NXPH4: variants seen among roughly 807,000 people sequenced by gnomAD.
NXPH4 encodes the protein neurexophilin 4.
A neutral mutation model predicts 21.3 loss-of-function variants in NXPH4; 8 were observed. The ratio of observed to expected loss-of-function variants is 0.38; its 90% CI spans 0.22 to 0.68. The LOEUF (loss-of-function observed/expected upper bound fraction) is 0.68, where lower values mean the gene tolerates loss of function less well. NXPH4 is among the 30% of genes least tolerant of loss of function. The probability of loss-of-function intolerance (pLI) is 0.53; values close to 1 mark genes in which losing one functional copy is unlikely to be tolerated. For synonymous variants in NXPH4, 219 were observed against 192.6 expected (o/e 1.14, Z -1.13); for missense variants, 418 against 416.8 (o/e 1.00, Z -0.03).
chr12:57,225,924 G>A lies in NXPH4; in HGVS notation c.*177G>A. 7.0e-7 allele frequency: 1 copy of A among 1,436,802 alleles called. No individual in the cohort carries two copies. The highest frequency in any genetic ancestry group is 9.1e-7 in the Non-Finnish European group (1 of 1,100,398). 89.0% of individuals were successfully genotyped at this position (1,436,802 alleles called of 1,614,324 possible). The stretch of plus-strand genomic sequence containing the variant: ...GCGTGGGTGCCCTTTTCCTTATGCG[G>A]AGTGCCCGCAAGGCTGGGGTAGCCC... On this transcript the variant is annotated 3_prime_UTR_variant, in exon 2 of 2. Coordinates refer to ENST00000349394, the MANE Select transcript of NXPH4 (RefSeq NM_007224.4).
At chr12:57,223,111 A>C (rs2037107928) in intron 1 of NXPH4, among the ~76,000 whole-genome samples, 1 of 152,134 alleles carries the variant, frequency 6.6e-6, no homozygotes, top group African/African-American at 2.4e-5. Context: ...CTCAGATACA[A>C]TTGACATGCA....
intron 1 of NXPH4, among the ~76,000 whole-genome samples, chr12:57,222,914 GCGGGGA>G (rs2037105512): frequency 6.6e-6 from 1 of 152,184 alleles, no homozygotes; most frequent in Non-Finnish European, 1.5e-5. Context: ...TCGCAGCGTG[GCGGGGA>G]CGGGGACCAG....
rs1256964042 is a variant in NXPH4, at chr12:57,225,866, C to T, written c.*119C>T. On this transcript the variant is annotated 3_prime_UTR_variant, in exon 2 of 2. Transcript: ENST00000349394. ...TCGCCCACTCCTTCCACTCTGGGGGCGGAGGGGAATGGCTTCTCGGGACCC... is the reference window on the plus strand; with the variant it reads ...TCGCCCACTCCTTCCACTCTGGGGGTGGAGGGGAATGGCTTCTCGGGACCC... The T allele has an allele frequency of 6.8e-6, 10 of 1,477,972 alleles. No homozygotes were observed. In the Middle Eastern group the frequency reaches 1.1e-3, roughly 159 times the overall value. The allele number at this position is 1,477,972 out of a possible 1,614,324, so 91.6% of individuals were successfully genotyped here.
Position 57,224,992 on chromosome 12 carries a change from G to C in NXPH4, c.172G>C (p.Gly58Arg). 2.1e-6 allele frequency: 3 copies of C among 1,458,934 alleles called. No individual in the cohort carries two copies. In the East Asian group the frequency reaches 8.3e-5, roughly 40 times the overall value. 90.4% of individuals were successfully genotyped at this position (1,458,934 alleles called of 1,614,324 possible). ...QQLPEPRSSD[G>R]LGVGRAWSWA... ...GCTCCCAGAGCCAAGGTCTTCGGACGGCCTAGGCGTGGGCCGCGCCTGGAG... is the reference window on the plus strand; with the variant it reads ...GCTCCCAGAGCCAAGGTCTTCGGACCGCCTAGGCGTGGGCCGCGCCTGGAG... Residue 58 changes from glycine (G) to arginine (R), a missense_variant, in exon 2 of 2, where the codon GGC (glycine) becomes CGC (arginine). Gly to Arg is a moderately radical substitution (Grantham distance 125, BLOSUM62 -2). Coordinates refer to ENST00000349394, the MANE Select transcript of NXPH4 (RefSeq NM_007224.4).
At chr12:57,223,956 G>C (rs1440489002) in intron 1 of NXPH4, among the ~76,000 whole-genome samples, 1 of 152,236 alleles carries the variant, frequency 6.6e-6, no homozygotes, top group East Asian at 1.9e-4. Context: ...CTCCACCAGA[G>C]TGGAGCACTG....
At chr12:57,222,687 T>C (rs1190558466) in intron 1 of NXPH4, among the ~76,000 whole-genome samples, 2 of 151,920 alleles carry the variant, frequency 1.3e-5, no homozygotes, top group African/African-American at 2.4e-5. Flanking sequence ...TGGGGCCTCT[T>C]CTCCCTCCCA....
At chr12:57,221,799 G>T (rs746662770) in intron 1 of NXPH4, among the ~76,000 whole-genome samples, 3 of 152,282 alleles carry the variant, frequency 2.0e-5, no homozygotes, top group Admixed American at 1.3e-4. Flanking sequence ...GGAGGTGGGC[G>T]ACAAGAGCTC....
chr12:57,217,237 C>T (rs1256603601), intron 1 of NXPH4, among the ~76,000 whole-genome samples: 3 of 152,162 alleles, frequency 2.0e-5, no homozygotes, highest in African/African-American at 7.2e-5. Flanking sequence ...GGGTGCCGGG[C>T]GGAGGTCCCC....
chr12:57,225,534 G>C lies in NXPH4; in HGVS notation c.714G>C (p.Glu238Asp). 6.2e-7 allele frequency: 1 copy of C among 1,612,988 alleles called. No homozygotes were observed. The highest frequency in any genetic ancestry group is 8.5e-7 in the Non-Finnish European group (1 of 1,179,976). ...CTTTCAATTGCCACGTGGAGTATGA[G>C]AAGACAAACCGCGCGCGCAAGCACC... ...SRAFNCHVEY[E>D]KTNRARKHRP... is the part of the protein sequence containing the mutation. Residue 238 changes from glutamate to aspartate, a missense_variant, in exon 2 of 2, where the codon GAG (glutamate) becomes GAC (aspartate). Coordinates refer to ENST00000349394, the MANE Select transcript of NXPH4 (RefSeq NM_007224.4).
chr12:57,222,177 G>GC (rs541646252), intron 1 of NXPH4, among the ~76,000 whole-genome samples: 12 of 151,864 alleles, frequency 7.9e-5, no homozygotes, highest in African/African-American at 1.7e-4. Context: ...CTTCAGCCGT[G>GC]CCCCCCCAAC....
At chr12:57,218,634 G>A (rs977545809) in intron 1 of NXPH4, among the ~76,000 whole-genome samples, 5 of 152,232 alleles carry the variant, frequency 3.3e-5, no homozygotes, top group Admixed American at 2.0e-4. Flanking sequence ...GAGAGTGAGC[G>A]TGAGGATATG....
Position 57,225,656 on chromosome 12 carries a change from T to C in NXPH4, c.836T>C (p.Ile279Thr). 6.2e-7 allele frequency: 1 copy of C among 1,613,864 alleles called. No individual in the cohort carries two copies. The highest frequency in any genetic ancestry group is 8.5e-7 in the Non-Finnish European group (1 of 1,180,010). ...GCCAAGCCCTTCAAAGTCATCTGTA[T>C]CTTCGTCTCTTTCCTCAGCTTTGAC... ...LCAKPFKVIC[I>T]FVSFLSFDYK... The change falls in exon 2 of 2, where the codon ATC becomes ACC. Residue 279 changes from isoleucine to threonine, a missense_variant. Transcript: ENST00000349394.
Position 57,225,068 on chromosome 12 carries a change from C to A in NXPH4, c.248C>A (p.Ala83Asp), listed in dbSNP as rs878937109. ...HTGALARAGAAGALPAQRTKR... is the reference protein window; with the variant it reads ...HTGALARAGADGALPAQRTKR... The stretch of plus-strand genomic sequence containing the variant: ...GGGGCGCTGGCCCGGGCAGGGGCAG[C>A]CGGGGCGTTGCCCGCGCAGCGCACC... The change falls in exon 2 of 2, where the codon GCC becomes GAC. Residue 83 changes from alanine (A) to aspartate (D), a missense_variant. Transcript: ENST00000349394. 8.8e-6 allele frequency: 13 copies of A among 1,473,872 alleles called. No individual in the cohort carries two copies. The South Asian group carries it at 1.6e-4, about 18-fold the overall frequency. The allele number at this position is 1,473,872 out of a possible 1,614,324, so 91.3% of individuals were successfully genotyped here. A position where few individuals can be genotyped will look rare whatever the true frequency, so the allele number is the denominator to read the frequency against.
At chr12:57,217,604 A>G (rs2037052989) in intron 1 of NXPH4, among the ~76,000 whole-genome samples, 1 of 151,998 alleles carries the variant, frequency 6.6e-6, no homozygotes, top group Non-Finnish European at 1.5e-5. Flanking sequence ...ACGACCTCAC[A>G]GACACACCCC....
chr12:57,220,930 C>T (rs1317827533), intron 1 of NXPH4, among the ~76,000 whole-genome samples: 1 of 151,972 alleles, frequency 6.6e-6, no homozygotes, highest in African/African-American at 2.4e-5. Flanking sequence ...ATCCCTCATC[C>T]ACCATTCCTG....
chr12:57,222,229 C>T (rs1382653178), intron 1 of NXPH4, among the ~76,000 whole-genome samples: 3 of 152,072 alleles, frequency 2.0e-5, no homozygotes, highest in Non-Finnish European at 4.4e-5. Context: ...TGGGTGGGGG[C>T]GGGACTGCCC....
rs765273679 is a variant in NXPH4, at chr12:57,225,777, C to G, written c.*30C>G. ...CCTCCCCAGCCAGTCCTGAGCCTCCCGCCAAATCCCAGCCTCACTAGGTGG... is the reference window on the plus strand; with the variant it reads ...CCTCCCCAGCCAGTCCTGAGCCTCCGGCCAAATCCCAGCCTCACTAGGTGG... On this transcript the variant is annotated 3_prime_UTR_variant, in exon 2 of 2. Coordinates refer to ENST00000349394, the MANE Select transcript of NXPH4 (RefSeq NM_007224.4). 1.0e-5 allele frequency: 16 copies of G among 1,589,302 alleles called. No homozygotes were observed. The highest frequency in any genetic ancestry group is 5.2e-6 in the Non-Finnish European group (6 of 1,164,332).
At chr12:57,221,836 C>A (rs1178110997) in intron 1 of NXPH4, among the ~76,000 whole-genome samples, 1 of 152,218 alleles carries the variant, frequency 6.6e-6, no homozygotes, top group African/African-American at 2.4e-5. Context: ...TTACCACCTG[C>A]CTTCCCAACT....
chr12:57,224,089 C>CTTTCTT (rs762250544), intron 1 of NXPH4, among the ~76,000 whole-genome samples: 9 of 152,180 alleles, frequency 5.9e-5, no homozygotes, highest in Non-Finnish European at 7.4e-5. Flanking sequence ...CCTGGAGCCT[C>CTTTCTT]TTTCTTTTTC....
Sources: gnomAD v4.1 joint callset for allele counts (sites outside exome capture counted in the v4.1 genomes callset) on GRCh38, gnomAD v4.1.1 for gene constraint, MANE v1.5 for transcripts, NCBI Gene and HGNC (gene_info 2026-07-23, HGNC 2026-07-21) for gene names.